TNIP1: variants seen among roughly 807,000 people sequenced by gnomAD.
TNIP1 encodes the protein TNFAIP3 interacting protein 1, also known as TNFAIP3-interacting protein 1.
A neutral mutation model predicts 86.6 loss-of-function variants in TNIP1; 22 were observed. That is an observed-to-expected ratio of 0.25 (90% CI 0.18 to 0.36). TNIP1 has a LOEUF of 0.36. TNIP1 is among the 10% of genes least tolerant of loss of function. The pLI is 1.00. For synonymous variants in TNIP1, 294 were observed against 313.0 expected (o/e 0.94, Z 0.64); for missense variants, 709 against 820.6 (o/e 0.86, Z 1.66).
Position 151,063,739 on chromosome 5 carries a change from A to T in TNIP1, c.145T>A (p.Leu49Met). ...MQGIKMLGEL[L>M]EESQMEATRL... ...GTCGCTTCCATCTGGGACTCTTCCA[A>T]AAGCTCCCCTAGAGTTATTGGGGAA... is the stretch of plus-strand genomic sequence containing the variant. The change falls in exon 3 of 18, where the codon TTG (leucine) becomes ATG (methionine). Residue 49 changes from leucine (L) to methionine (M), a missense_variant. Physicochemically the swap from Leu to Met is conservative, Grantham distance 15 (BLOSUM62 2). Coordinates refer to ENST00000521591, the MANE Select transcript of TNIP1 (RefSeq NM_006058.5). The T allele has an allele frequency of 6.2e-7, 1 of 1,613,884 alleles. No homozygotes were observed. The highest frequency in any genetic ancestry group is 8.5e-7 in the Non-Finnish European group (1 of 1,179,878).
At chr5:151,057,183 C>G (rs1014567721) in intron 5 of TNIP1, among the ~76,000 whole-genome samples, 1 of 152,226 alleles carries the variant, frequency 6.6e-6, no homozygotes, top group Non-Finnish European at 1.5e-5. Flanking sequence ...GCGGGGCCAC[C>G]ATCCTCCCAC....
rs573983737 is a variant in TNIP1, at chr5:151,053,696, A to T, written c.628-1437T>A. 6.6e-5 allele frequency among the ~76,000 whole-genome samples: 10 copies of T among 152,334 alleles called. No individual in the cohort carries two copies. The East Asian group carries it at 1.9e-3, about 29-fold the overall frequency. On this transcript the variant is annotated intron_variant, in intron 6 of 17. Transcript: ENST00000521591. ...TGAGCACCTCACCTGTGCCAGGTACATTGCTCGGTGTTTCTCCATATACTG... is the reference window on the plus strand; with the variant it reads ...TGAGCACCTCACCTGTGCCAGGTACTTTGCTCGGTGTTTCTCCATATACTG...
At position 151,065,011 on chromosome 5, in the gene TNIP1, C is replaced by G. The variant is rs1762060753; in HGVS notation, c.85G>C (p.Val29Leu). 6.2e-7 allele frequency: 1 copy of G among 1,614,228 alleles called. No homozygotes were observed. The highest frequency in any genetic ancestry group is 8.5e-7 in the Non-Finnish European group (1 of 1,180,026). ...TCCTTCAGCCGGGAATTCTCCTTCA[C>G]TAGGCGCTCAAAAGCTGCGGATGCC... ...GEASAAFERL[V>L]KENSRLKEKM... The change falls in exon 2 of 18, where the codon GTG (valine) becomes CTG (leucine). Residue 29 changes from valine (V) to leucine (L), a missense_variant. Coordinates refer to ENST00000521591, the MANE Select transcript of TNIP1 (RefSeq NM_006058.5).
At chr5:151,055,960 T>C (rs1163957917) in intron 6 of TNIP1, among the ~76,000 whole-genome samples, 2 of 152,162 alleles carry the variant, frequency 1.3e-5, no homozygotes, top group Admixed American at 1.3e-4. Context: ...CCCTGCCCAG[T>C]GTGGATGCCC....
intron 4 of TNIP1, among the ~76,000 whole-genome samples, chr5:151,061,838 T>C (rs1365734591): frequency 2.0e-5 from 3 of 152,206 alleles, no homozygotes; most frequent in African/African-American, 7.2e-5. Flanking sequence ...ATCTGTCTGT[T>C]TTCCTAGCAC....
In TNIP1 at chr5:151,042,611, C is replaced by T. The variant is rs867041708; in HGVS notation, c.1063G>A (p.Glu355Lys). The T allele has an allele frequency of 1.2e-6, 2 of 1,613,984 alleles. No individual in the cohort carries two copies. The highest frequency in any genetic ancestry group is 1.1e-5 in the South Asian group (1 of 91,072). The change falls in exon 11 of 18, where the codon GAG becomes AAG. Residue 355 changes from glutamate (E) to lysine (K), a missense_variant. Transcript: ENST00000521591. Reference protein sequence around the residue: ...LQKQVTDLEAEREQKQRDFDR... With the variant: ...LQKQVTDLEAKREQKQRDFDR... ...AAGTCACGCTGCTTCTGCTCCCGCT[C>T]GGCCTCCAGGTCAGTCACCTGCTTC...
intron 13 of TNIP1, among the ~76,000 whole-genome samples, chr5:151,036,487 C>T (rs961901400): frequency 1.3e-5 from 2 of 152,170 alleles, no homozygotes; most frequent in Admixed American, 6.5e-5. Flanking sequence ...TTTCCAATTA[C>T]AGCAGTGATA....
chr5:151,083,755 T>A (rs1764169603), upstream of TNIP1, among the ~76,000 whole-genome samples: 1 of 152,202 alleles, frequency 6.6e-6, no homozygotes, highest in African/African-American at 2.4e-5. Context: ...CAGACCCAAA[T>A]ACACATTTGA....
chr5:151,073,839 C>T (rs981775960), intron 1 of TNIP1, among the ~76,000 whole-genome samples: 1 of 152,056 alleles, frequency 6.6e-6, no homozygotes, highest in Non-Finnish European at 1.5e-5. Flanking sequence ...GTTCAGGCTA[C>T]AGTGAGCTAT....
chr5:151,056,949 GC>G lies in TNIP1; in HGVS notation c.443del (p.Gly148AlafsTer10). On this transcript the variant is annotated frameshift_variant, in exon 6 of 18. Coordinates refer to ENST00000521591, the MANE Select transcript of TNIP1 (RefSeq NM_006058.5). LOFTEE classifies it high-confidence loss of function. ...GGTTGCCGTCCTCACGGGGCAGGGG[GC>G]CCAGCGCCTGGAGAGGGAAAGGGCA... ...SSSHANAMALGPLPREDGNLM... is the reference protein window; with the variant it reads ...SSSHANAMALXPLPREDGNLM... 1 of 1,516,356 alleles carries G rather than the reference GC, an allele frequency of 6.6e-7. No individual in the cohort carries two copies. The allele number at this position is 1,516,356 out of a possible 1,614,324, so 93.9% of individuals were successfully genotyped here.
chr5:151,058,633 C>T (rs1002818405), intron 5 of TNIP1, among the ~76,000 whole-genome samples: 1 of 152,196 alleles, frequency 6.6e-6, no homozygotes, highest in Non-Finnish European at 1.5e-5. Context: ...GTCCTCTCTG[C>T]CTCTGCAAGT....
intron 1 of TNIP1, among the ~76,000 whole-genome samples, chr5:151,069,590 G>A (rs375229505): frequency 6.6e-6 from 1 of 152,028 alleles, no homozygotes; most frequent in East Asian, 1.9e-4. Flanking sequence ...CCCTGGCCCA[G>A]AGGGAAAAGT....
At position 151,052,183 on chromosome 5, in the gene TNIP1, T is replaced by C; in HGVS notation, c.704A>G (p.Gln235Arg). Residue 235 changes from glutamine (Q) to arginine (R), a missense_variant, in exon 7 of 18, where the codon CAG (glutamine) becomes CGG (arginine). Physicochemically the swap from Gln to Arg is conservative, Grantham distance 43. Coordinates refer to ENST00000521591, the MANE Select transcript of TNIP1 (RefSeq NM_006058.5). ...KLDKGLEQRD[Q>R]AAERLREENL... ...AACTTACCGCAGCCTCTCGGCAGCC[T>C]GATCCCGCTGTTCCAGGCCCTTATC... 2 of 1,613,994 alleles carry C rather than the reference T, an allele frequency of 1.2e-6. No individual in the cohort carries two copies. Among genetic ancestry groups the C allele is most frequent in the Non-Finnish European group, 1.7e-6 (2 of 1,179,966 alleles).
rs753833491 is a variant in TNIP1, at chr5:151,033,786, C to T, written c.1601G>A (p.Arg534His). 42 of 1,369,938 alleles carry T rather than the reference C, an allele frequency of 3.1e-5. No homozygotes were observed. The highest frequency in any genetic ancestry group is 8.3e-5 in the East Asian group (3 of 36,246). 84.9% of individuals were successfully genotyped at this position (1,369,938 alleles called of 1,614,324 possible). ...TTCTGGGTGGGGCTCCACATGGTAACGCTCTCCTGAGGCCTGCAAGAAAGG... is the reference window on the plus strand; with the variant it reads ...TTCTGGGTGGGGCTCCACATGGTAATGCTCTCCTGAGGCCTGCAAGAAAGG... ...QKRKAKASGE[R>H]YHVEPHPEHL... is the part of the protein sequence containing the mutation. Residue 534 changes from arginine to histidine, a missense_variant, in exon 16 of 18, where the codon CGT becomes CAT. Transcript: ENST00000521591.
At chr5:151,069,711 T>TA (rs1338165936) in intron 1 of TNIP1, among the ~76,000 whole-genome samples, 15 of 150,148 alleles carry the variant, frequency 1.0e-4, no homozygotes, top group Non-Finnish European at 1.6e-4. Flanking sequence ...GCAGAGGGGG[T>TA]ATAGGGAAGG....
chr5:151,041,069 T>C (rs189411256), intron 11 of TNIP1, among the ~76,000 whole-genome samples: 9 of 145,656 alleles, frequency 6.2e-5, no homozygotes, highest in Admixed American at 4.0e-4. Flanking sequence ...TTCTTCGTAG[T>C]ACTTTTTTTT....
intron 12 of TNIP1, among the ~76,000 whole-genome samples, chr5:151,037,874 C>T (rs950495490): frequency 2.0e-5 from 3 of 152,174 alleles, no homozygotes; most frequent in Non-Finnish European, 4.4e-5. Flanking sequence ...TCAGGATGCT[C>T]CGAGGGGAAG....
At chr5:151,079,426 C>A (rs1050033295) in intron 1 of TNIP1, among the ~76,000 whole-genome samples, 4 of 152,122 alleles carry the variant, frequency 2.6e-5, no homozygotes, top group Non-Finnish European at 4.4e-5. Flanking sequence ...GAGTTTGAGA[C>A]CAGCCTGGCC....
intron 1 of TNIP1, among the ~76,000 whole-genome samples, chr5:151,075,742 A>G (rs1473949759): frequency 2.0e-5 from 3 of 152,264 alleles, no homozygotes; most frequent in African/African-American, 7.2e-5. Flanking sequence ...CTGCTGCTGA[A>G]GCTGACTATA....
Sources: allele counts gnomAD v4.1 joint callset (sites outside exome capture counted in the v4.1 genomes callset), GRCh38; gene constraint gnomAD v4.1.1; transcripts MANE v1.5; gene names NCBI Gene and HGNC (gene_info 2026-07-23, HGNC 2026-07-21).